The following DNAH3 variants were observed in gnomAD, a reference collection of about 807,000 sequenced individuals.
DNAH3 encodes the protein dynein axonemal heavy chain 3, also known as axonemal beta dynein heavy chain 3.
A neutral mutation model predicts 432.5 loss-of-function variants in DNAH3; 332 were observed. The observed-to-expected ratio is 0.77, with a 90% confidence interval of 0.70 to 0.84. The LOEUF is 0.84. Ranked by LOEUF, DNAH3 falls within the 40% of genes least tolerant of loss-of-function variation. The pLI, the probability that DNAH3 is intolerant of heterozygous loss-of-function variation, is 0.00. For synonymous variants in DNAH3, 1,956 were observed against 1,900.2 expected, an observed-to-expected ratio of 1.03 and a Z score of -0.76; for missense variants, 4,861 against 5,114.0, an observed-to-expected ratio of 0.95 and a Z score of 1.51.
chr16:21,057,247 T>C (rs1293540501), intron 27 of DNAH3, among the ~76,000 whole-genome samples: 3 of 152,112 alleles, frequency 2.0e-5, no homozygotes, highest in African/African-American at 7.2e-5. Flanking sequence ...CCGTCTCTAG[T>C]TTAAAAAATA....
In DNAH3 at chr16:21,037,735, G is replaced by A. The variant is rs765849403; in HGVS notation, c.4950+26C>T. 1.7e-5 allele frequency: 28 copies of A among 1,603,262 alleles called. 1 individual carries two copies. The Admixed American group carries it at 3.2e-4, about 18-fold the overall frequency. On this transcript the variant is annotated intron_variant, in intron 34 of 61. Coordinates refer to ENST00000261383, the Ensembl canonical transcript of DNAH3. Reference sequence around the variant, plus strand: ...CTTCCAACATTGAGCCTTGGTCCTCGGCCAAGGTCCTGAACCGCTACATAC... The same window carrying A: ...CTTCCAACATTGAGCCTTGGTCCTCAGCCAAGGTCCTGAACCGCTACATAC...
At chr16:21,071,135 C>T (rs1048093915) in intron 21 of DNAH3, among the ~76,000 whole-genome samples, 7 of 151,950 alleles carry the variant, frequency 4.6e-5, no homozygotes, top group Non-Finnish European at 1.0e-4. Context: ...GTCCACCTCC[C>T]AGGTTCAAGT....
chr16:21,123,718 C>A (rs563633232), intron 9 of DNAH3, among the ~76,000 whole-genome samples: 13 of 152,158 alleles, frequency 8.5e-5, no homozygotes, highest in African/African-American at 3.1e-4. Flanking sequence ...AAAGAATATT[C>A]ATCGATTTTT....
At position 21,026,962 on chromosome 16, in the gene DNAH3, T is replaced by G. The variant is rs2088595816; in HGVS notation, c.5540+65A>C. 3 of 1,130,154 alleles carry G rather than the reference T, an allele frequency of 2.7e-6. No individual in the cohort carries two copies. In the African/African-American group the frequency reaches 4.6e-5, roughly 17 times the overall value. The allele number at this position is 1,130,154 out of a possible 1,614,324, so 70.0% of individuals were successfully genotyped here. On this transcript the variant is annotated intron_variant, in intron 38 of 61. Coordinates refer to ENST00000261383, the Ensembl canonical transcript of DNAH3. ...ATCACATTTGTGAAATTTGAGAGCT[T>G]TCTCTTTTGCTTAGGGTGAGTGGAG...
intron 40 of DNAH3, among the ~76,000 whole-genome samples, chr16:21,021,696 G>A (rs1325099978): frequency 6.6e-6 from 1 of 152,030 alleles, no homozygotes; most frequent in Non-Finnish European, 1.5e-5. Context: ...GAACACTTGA[G>A]GTCAGGAGTT....
At chr16:20,974,689 G>A (rs12917845) in intron 51 of DNAH3, among the ~76,000 whole-genome samples, 11,122 of 139,674 alleles carry the variant, frequency 0.08, 578 homozygotes, top group East Asian at 0.19. Context: ...CCAAAAATCT[G>A]GGATCACAGG....
At chr16:20,959,470 T>C in intron 53 of DNAH3, 66 bp from the exon 54 acceptor site, 1 of 1,490,108 alleles carries the variant, frequency 6.7e-7, no homozygotes, top group Non-Finnish European at 9.3e-7. Context: ...AGAACAGCTA[T>C]ATCAACAATA....
intron 56 of DNAH3, among the ~76,000 whole-genome samples, chr16:20,950,904 C>G (rs1457782394): frequency 1.3e-5 from 2 of 152,198 alleles, no homozygotes; most frequent in Non-Finnish European, 2.9e-5. Context: ...CTCACTACAG[C>G]CTTGACATCC....
chr16:20,984,980 G>A, intron 48 of DNAH3, 69 bp downstream of exon 48: 7 of 1,337,498 alleles, frequency 5.2e-6, no homozygotes, highest in South Asian at 1.4e-5. Flanking sequence ...GGATTGGCCT[G>A]CTCAGGGCAC....
chr16:20,938,655 A>T (rs2083684886), intron 59 of DNAH3, among the ~76,000 whole-genome samples: 1 of 137,536 alleles, frequency 7.3e-6, no homozygotes. Context: ...TTCCTATATC[A>T]CTGGGTGAAA....
At chr16:21,122,231 T>C (rs1458320203) in intron 9 of DNAH3, 107 bp from the exon 11 acceptor site, 2 of 924,452 alleles carry the variant, frequency 2.2e-6, no homozygotes, top group African/African-American at 1.7e-5. Context: ...GAAAAGGCAA[T>C]GAAGGGCATC....
intron 7 of DNAH3, among the ~76,000 whole-genome samples, chr16:21,131,521 G>C (rs984332418): frequency 2.0e-5 from 3 of 150,068 alleles, no homozygotes; most frequent in Admixed American, 6.7e-5. Flanking sequence ...AGGAAGGAAG[G>C]AAGGAAGGAA....
At chr16:21,098,767 C>A (rs2091761217) in exon 17 of DNAH3, 1 of 1,607,136 alleles carries the variant, frequency 6.2e-7, no homozygotes. Context: ...AAATTCTGAG[C>A]ATCTGAAAAT....
chr16:21,159,310 G>A (rs2152839975), intron 1 of DNAH3: 2 of 1,606,254 alleles, frequency 1.2e-6, no homozygotes, highest in Non-Finnish European at 1.7e-6. Context: ...TCTGGGACGC[G>A]GACCCCCTCT....
Position 21,121,121 on chromosome 16 carries a change from GA to G in DNAH3, c.1585-268del, listed in dbSNP as rs1312884141. 11 of 567,592 alleles carry G rather than the reference GA, an allele frequency of 1.9e-5. No individual in the cohort carries two copies. In the Admixed American group the frequency reaches 2.4e-4, roughly 12 times the overall value. The allele number at this position is 567,592 out of a possible 1,614,324, so 35.2% of individuals were successfully genotyped here. On this transcript the variant is annotated intron_variant, in intron 10 of 61. Coordinates refer to ENST00000261383, the Ensembl canonical transcript of DNAH3. ...AATGCATGGAGAGAGTGAGAAGGTG[GA>G]AGGGTGAGGGAGCTAGCCAGCAAGA... is the stretch of plus-strand genomic sequence containing the variant.
At chr16:20,965,150 C>G (rs1208269462) in exon 53 of DNAH3, 1 of 1,614,050 alleles carries the variant, frequency 6.2e-7, no homozygotes, top group Non-Finnish European at 8.5e-7. Context: ...AGCTTCCCCT[C>G]TGCCTCCCTC....
intron 52 of DNAH3, among the ~76,000 whole-genome samples, chr16:20,969,306 GTGCA>G (rs1053869662): frequency 1.3e-5 from 2 of 152,000 alleles, no homozygotes. Context: ...GTGTGTGTGT[GTGCA>G]TGCATGCATG....
intron 41 of DNAH3, among the ~76,000 whole-genome samples, chr16:21,009,799 T>G (rs535900838): frequency 1.0e-3 from 155 of 151,644 alleles, no homozygotes; most frequent in African/African-American, 3.7e-3. Context: ...CACCTGGGCC[T>G]GGGGCACTAA....
intron 55 of DNAH3, among the ~76,000 whole-genome samples, chr16:20,953,716 C>T (rs2084424313): frequency 6.6e-6 from 1 of 151,944 alleles, no homozygotes; most frequent in Admixed American, 6.6e-5. Context: ...GGACTACAGG[C>T]TTGTGCTACT....
Sources: allele counts gnomAD v4.1 joint callset (sites outside exome capture counted in the v4.1 genomes callset), GRCh38; gene constraint gnomAD v4.1.1; transcripts MANE v1.5; gene names NCBI Gene and HGNC (gene_info 2026-07-23, HGNC 2026-07-21).